Variants in CDH12 observed in about 807,000 individuals in gnomAD.
The protein encoded by CDH12 is cadherin-12.
In CDH12, 41 loss-of-function variants were observed where a neutral mutation model predicts 74.1. The observed-to-expected ratio is 0.55, with a 90% CI of 0.43 to 0.72. The LOEUF (loss-of-function observed/expected upper bound fraction) is 0.72, where lower values mean the gene tolerates loss of function less well. Among genes scored for constraint, CDH12 ranks in the 30% least tolerant of loss-of-function variants. The probability of loss-of-function intolerance (pLI) is 0.00; values close to 1 mark genes in which losing one functional copy is unlikely to be tolerated. For synonymous variants in CDH12, 399 were observed against 355.0 expected (o/e 1.12, Z -1.39); for missense variants, 945 against 977.2 (o/e 0.97, Z 0.44).
At chr5:22,332,799 T>TA (rs1351525916) in intron 3 of CDH12, among the ~76,000 whole-genome samples, 1 of 152,096 alleles carries the variant, frequency 6.6e-6, no homozygotes, top group East Asian at 1.9e-4. Flanking sequence ...TGGCGATTAT[T>TA]AAAAAATCAA....
chr5:22,235,731 T>G (rs1444290401), intron 3 of CDH12, among the ~76,000 whole-genome samples: 1 of 152,088 alleles, frequency 6.6e-6, no homozygotes, highest in Non-Finnish European at 1.5e-5. Flanking sequence ...AAAGAACATA[T>G]GGAAATAATA....
At chr5:21,793,629 T>A (rs948600654) in intron 10 of CDH12, among the ~76,000 whole-genome samples, 1 of 151,672 alleles carries the variant, frequency 6.6e-6, no homozygotes, top group Non-Finnish European at 1.5e-5. Context: ...AATGGTGCCA[T>A]TTTATGTAGA....
intron 2 of CDH12, among the ~76,000 whole-genome samples, chr5:22,434,765 G>A (rs1037064276): frequency 1.6e-4 from 25 of 151,786 alleles, no homozygotes; most frequent in African/African-American, 6.0e-4. Context: ...TTTTTTGTGT[G>A]CTTTTTTTTT....
In CDH12 at chr5:21,921,876, C is replaced by T. The variant is rs114281376; in HGVS notation, c.526+53215G>A. On this transcript the variant is annotated intron_variant, in intron 6 of 14. Coordinates refer to ENST00000382254, the MANE Select transcript of CDH12 (RefSeq NM_004061.5). The stretch of plus-strand genomic sequence containing the variant: ...TGCTGGCCTTCCCCTCCTTTGTCAT[C>T]GGCTAATTTTAACATGTCCATTTCT... Among the ~76,000 whole-genome samples the T allele has an allele frequency of 8.2e-3, 1,247 of 152,288 alleles. 6 individuals carry two copies. Among genetic ancestry groups the T allele is most frequent in the Non-Finnish European group, 0.014 (919 of 68,016 alleles).
intron 3 of CDH12, among the ~76,000 whole-genome samples, chr5:22,279,845 A>G (rs1377336827): frequency 6.6e-6 from 1 of 152,152 alleles, no homozygotes; most frequent in Non-Finnish European, 1.5e-5. Flanking sequence ...ATACGAGTGC[A>G]TGTGTCTTTA....
intron 6 of CDH12, among the ~76,000 whole-genome samples, chr5:21,931,605 G>A (rs1188263956): frequency 6.6e-6 from 1 of 152,258 alleles, no homozygotes; most frequent in East Asian, 1.9e-4. Context: ...ACATAAAAAT[G>A]AGAAGCTATG....
chr5:22,656,498 A>G (rs1046939296), intron 1 of CDH12, among the ~76,000 whole-genome samples: 12 of 152,190 alleles, frequency 7.9e-5, no homozygotes, highest in African/African-American at 2.9e-4. Context: ...CATAGTGGAG[A>G]TACAAATTAT....
At chr5:22,021,114 G>T (rs1055337346) in intron 5 of CDH12, among the ~76,000 whole-genome samples, 2 of 152,132 alleles carry the variant, frequency 1.3e-5, no homozygotes, top group African/African-American at 2.4e-5. Context: ...TTGGGGAAAG[G>T]ACCCAAGACT....
chr5:21,879,371 G>A (rs1404339803), intron 6 of CDH12, among the ~76,000 whole-genome samples: 1 of 147,564 alleles, frequency 6.8e-6, no homozygotes, highest in African/African-American at 2.7e-5. Context: ...TAATTTTGAT[G>A]CACACTACAG....
chr5:21,850,626 G>A (rs764457244), intron 7 of CDH12, among the ~76,000 whole-genome samples: 12 of 151,460 alleles, frequency 7.9e-5, no homozygotes, highest in Middle Eastern at 3.4e-3. Context: ...AGGAGGTTTC[G>A]TTGGGAGATA....
chr5:21,880,366 G>A (rs532950752), intron 6 of CDH12, among the ~76,000 whole-genome samples: 74 of 152,258 alleles, frequency 4.9e-4, no homozygotes, highest in Middle Eastern at 3.4e-3. Context: ...AGACTGTGAC[G>A]TTAGGGCACT....
intron 2 of CDH12, among the ~76,000 whole-genome samples, chr5:22,485,090 A>G (rs1580696643): frequency 6.6e-6 from 1 of 152,328 alleles, no homozygotes; most frequent in African/African-American, 2.4e-5. Context: ...ATGAAAATAC[A>G]CCACATGAAT....
intron 1 of CDH12, among the ~76,000 whole-genome samples, chr5:22,610,064 T>C (rs1186611214): frequency 6.6e-6 from 1 of 152,248 alleles, no homozygotes; most frequent in Non-Finnish European, 1.5e-5. Flanking sequence ...ACACTCCCTA[T>C]ATAGTTGTTC....
At chr5:22,696,284 TG>T (rs1411973076) in intron 1 of CDH12, among the ~76,000 whole-genome samples, 2 of 137,270 alleles carry the variant, frequency 1.5e-5, no homozygotes, top group African/African-American at 2.8e-5. Context: ...GGCAGGAGAA[TG>T]GGGTGAACCT....
intron 4 of CDH12, among the ~76,000 whole-genome samples, chr5:22,205,702 C>T (rs1198429220): frequency 6.6e-6 from 1 of 151,854 alleles, no homozygotes; most frequent in Non-Finnish European, 1.5e-5. Context: ...GGCTACATTG[C>T]TAGAATAAAG....
At chr5:21,866,736 T>A (rs1751347123) in intron 6 of CDH12, among the ~76,000 whole-genome samples, 1 of 151,956 alleles carries the variant, frequency 6.6e-6, no homozygotes, top group Non-Finnish European at 1.5e-5. Context: ...AGAGGAGAGA[T>A]TCAAGCTGGC....
At chr5:22,475,018 T>G (rs1746111171) in intron 2 of CDH12, among the ~76,000 whole-genome samples, 1 of 151,282 alleles carries the variant, frequency 6.6e-6, no homozygotes, top group Non-Finnish European at 1.5e-5. Flanking sequence ...AGCAAAATCC[T>G]GGAAGCAAGT....
intron 3 of CDH12, among the ~76,000 whole-genome samples, chr5:22,268,930 T>C (rs1736257796): frequency 6.6e-6 from 1 of 152,080 alleles, no homozygotes; most frequent in Non-Finnish European, 1.5e-5. Context: ...TAAATGTGTA[T>C]TAGAAAGATT....
intron 13 of CDH12, among the ~76,000 whole-genome samples, chr5:21,758,970 G>A (rs1162173501): frequency 2.6e-5 from 4 of 152,088 alleles, no homozygotes; most frequent in South Asian, 4.2e-4. Flanking sequence ...TGCCAAAAAC[G>A]GGGAGAAAGG....
Sources: gnomAD v4.1 joint callset for allele counts (sites outside exome capture counted in the v4.1 genomes callset) on GRCh38, gnomAD v4.1.1 for gene constraint, MANE v1.5 for transcripts, NCBI Gene and HGNC (gene_info 2026-07-23, HGNC 2026-07-21) for gene names.